FAM167A: variants seen among roughly 807,000 people sequenced by gnomAD.
FAM167A encodes the protein protein FAM167A.
Under a neutral mutation model 14.9 loss-of-function variants are expected in FAM167A, and 23 were observed. The observed-to-expected ratio is 1.55, with a 90% CI of 1.11 to 2.19. FAM167A has a LOEUF of 2.19. Ranked by LOEUF, FAM167A falls within the 30% of genes most tolerant of loss-of-function variation. FAM167A has a pLI of 0.00. For synonymous variants in FAM167A, 174 were observed against 117.7 expected, an observed-to-expected ratio of 1.48 and a Z score of -3.10; for missense variants, 401 against 281.5, an observed-to-expected ratio of 1.42 and a Z score of -3.04.
intron 2 of FAM167A, among the ~76,000 whole-genome samples, chr8:11,443,433 C>G (rs1384004876): frequency 2.0e-5 from 3 of 152,244 alleles, no homozygotes; most frequent in African/African-American, 4.8e-5. Flanking sequence ...CTCTGAGCCT[C>G]CTCACCGAGC....
rs755436348 is a variant in FAM167A at position 11,443,980 on chromosome 8, G to A, written c.381+51C>T. 26 of 1,562,720 alleles carry A rather than the reference G, an allele frequency of 1.7e-5. No individual in the cohort carries two copies. The South Asian group carries it at 2.3e-4, about 14-fold the overall frequency. ...AGAGAGAGACAGAAAAAGACACAGA[G>A]AGACGGTGGCATCTCCTCTTTTCTG... On this transcript the variant is annotated intron_variant, in intron 2 of 2. Coordinates refer to ENST00000284486, the MANE Select transcript of FAM167A (RefSeq NM_053279.3).
Position 11,424,230 on chromosome 8 carries a change from A to G in FAM167A, c.*143T>C, listed in dbSNP as rs947590249. Reference sequence around the variant, plus strand: ...CCCCTGGGTGGGAGAGCACCACTGAATAGGTCCTGGGGCCCTTGAGTCGCC... The same window carrying G: ...CCCCTGGGTGGGAGAGCACCACTGAGTAGGTCCTGGGGCCCTTGAGTCGCC... On this transcript the variant is annotated 3_prime_UTR_variant, in exon 3 of 3. Coordinates refer to ENST00000284486, the MANE Select transcript of FAM167A (RefSeq NM_053279.3). 5 of 1,047,238 alleles carry G rather than the reference A, an allele frequency of 4.8e-6. No individual in the cohort carries two copies. In the African/African-American group the frequency reaches 6.4e-5, roughly 13 times the overall value. The allele number at this position is 1,047,238 out of a possible 1,614,324, so 64.9% of individuals were successfully genotyped here.
intron 1 of FAM167A, among the ~76,000 whole-genome samples, chr8:11,466,361 G>A (rs546099778): frequency 6.6e-5 from 10 of 152,248 alleles, no homozygotes; most frequent in African/African-American, 2.2e-4. Context: ...GCCCGGACAC[G>A]GCCAGCAGGG....
chr8:11,436,695 G>A (rs961330759), intron 2 of FAM167A, among the ~76,000 whole-genome samples: 22 of 152,244 alleles, frequency 1.4e-4, no homozygotes. Context: ...TGGAAATGGA[G>A]TGCCGAAGTG....
In FAM167A at chr8:11,423,220, G is replaced by T. The variant is rs551060975; in HGVS notation, c.*1153C>A. Reference sequence around the variant, plus strand: ...CCGAGGGACCCCTGCCATGCCGTATGACCCCAGACTGACCTCCCTAACCTG... The same window carrying T: ...CCGAGGGACCCCTGCCATGCCGTATTACCCCAGACTGACCTCCCTAACCTG... On this transcript the variant is annotated 3_prime_UTR_variant, in exon 3 of 3. Transcript: ENST00000284486. The T allele has an allele frequency of 1.3e-5, 2 of 152,298 alleles. No individual in the cohort carries two copies. Among genetic ancestry groups the T allele is most frequent in the African/African-American group, 2.4e-5 (1 of 41,542 alleles). 9.4% of individuals were successfully genotyped at this position (152,298 alleles called of 1,614,324 possible). A position where few individuals can be genotyped will look rare whatever the true frequency, so the allele number is the denominator to read the frequency against.
chr8:11,441,854 G>A (rs973160923), intron 2 of FAM167A, among the ~76,000 whole-genome samples: 20 of 152,148 alleles, frequency 1.3e-4, no homozygotes, highest in African/African-American at 4.6e-4. Flanking sequence ...GTTGCCTGCT[G>A]ACATTTTTGT....
rs1341278271 is a variant in FAM167A, at chr8:11,423,452, G to C, written c.*921C>G. On this transcript the variant is annotated 3_prime_UTR_variant, in exon 3 of 3. Transcript: ENST00000284486. ...AAATCTCAGAGGAGGCTCAGGATGGGCCTCTGGGCTCCCTAGATTGTCTTT... is the reference window on the plus strand; with the variant it reads ...AAATCTCAGAGGAGGCTCAGGATGGCCCTCTGGGCTCCCTAGATTGTCTTT... 1 of 152,596 alleles carries C rather than the reference G, an allele frequency of 6.6e-6. No individual in the cohort carries two copies. Among genetic ancestry groups the C allele is most frequent in the African/African-American group, 2.4e-5 (1 of 41,444 alleles). 9.5% of individuals were successfully genotyped at this position (152,596 alleles called of 1,614,324 possible). A position where few individuals can be genotyped will look rare whatever the true frequency, so the allele number is the denominator to read the frequency against.
chr8:11,436,375 G>A (rs113094098), intron 2 of FAM167A, among the ~76,000 whole-genome samples: 9 of 152,348 alleles, frequency 5.9e-5, no homozygotes, highest in African/African-American at 1.9e-4. Flanking sequence ...CCAGTCCCAG[G>A]ACTGCTGCCC....
At chr8:11,449,881 T>C (rs1806954642) in intron 1 of FAM167A, among the ~76,000 whole-genome samples, 1 of 152,168 alleles carries the variant, frequency 6.6e-6, no homozygotes, top group African/African-American at 2.4e-5. Context: ...CAACACCTTG[T>C]CTCATTATGA....
rs1804951133 is a variant in FAM167A at position 11,423,993 on chromosome 8, G to A, written c.*380C>T. The A allele has an allele frequency of 8.8e-6, 2 of 228,392 alleles. No individual in the cohort carries two copies. Among genetic ancestry groups the A allele is most frequent in the South Asian group, 8.6e-5 (1 of 11,596 alleles). The allele number at this position is 228,392 out of a possible 1,614,324, so 14.1% of individuals were successfully genotyped here. A position where few individuals can be genotyped will look rare whatever the true frequency, so the allele number is the denominator to read the frequency against. On this transcript the variant is annotated 3_prime_UTR_variant, in exon 3 of 3. Transcript: ENST00000284486. ...CAAGGCCCTTGCGGGACAGCCTTCT[G>A]CAAAAATGACAGCTTTGTTGGGGGG...
rs1806648947 is a variant in FAM167A at position 11,444,372 on chromosome 8, C to G, written c.40G>C (p.Glu14Gln). 6.3e-7 allele frequency: 1 copy of G among 1,576,426 alleles called. No individual in the cohort carries two copies. Among genetic ancestry groups the G allele is most frequent in the East Asian group, 2.2e-5 (1 of 44,448 alleles). ...PQIHVEEVGAEEGAGAAAPPD... is the reference protein window; with the variant it reads ...PQIHVEEVGAQEGAGAAAPPD... ...GGTGCGGCTGCTCCCGCCCCCTCTT[C>G]TGCACCCACTTCTTCCACGTGGATC... The change falls in exon 2 of 3, where the codon GAA becomes CAA. Residue 14 changes from glutamate to glutamine, a missense_variant. By Grantham distance (29) the Glu-to-Gln change is conservative. Coordinates refer to ENST00000284486, the MANE Select transcript of FAM167A (RefSeq NM_053279.3).
At chr8:11,451,078 C>T (rs980061760) in intron 1 of FAM167A, among the ~76,000 whole-genome samples, 2 of 152,386 alleles carry the variant, frequency 1.3e-5, no homozygotes, top group East Asian at 3.9e-4. Flanking sequence ...AGTGCATCCC[C>T]CTTTCCCACA....
At chr8:11,472,229 C>T (rs777048383), upstream of FAM167A, among the ~76,000 whole-genome samples, 7 of 152,064 alleles carry the variant, frequency 4.6e-5, no homozygotes, top group East Asian at 1.9e-4. Flanking sequence ...CAGACATGAG[C>T]GATCACCTCC....
chr8:11,427,923 T>C (rs1805297705), intron 2 of FAM167A, among the ~76,000 whole-genome samples: 2 of 152,294 alleles, frequency 1.3e-5, no homozygotes, highest in East Asian at 1.9e-4. Context: ...GTCATTTGTT[T>C]TGTAATGGTG....
chr8:11,434,892 G>A (rs1805894175), intron 2 of FAM167A: 1 of 385,018 alleles, frequency 2.6e-6, no homozygotes, highest in Non-Finnish European at 5.3e-6. Context: ...TTCTGTGCCG[G>A]AGAGAGAGTG....
chr8:11,438,789 G>A (rs891324898), intron 2 of FAM167A: 5 of 320,016 alleles, frequency 1.6e-5, no homozygotes, highest in African/African-American at 8.7e-5. Flanking sequence ...ACCGGGCTAT[G>A]CAGAGAAGAC....
chr8:11,426,835 G>T (rs1204930456), intron 2 of FAM167A, among the ~76,000 whole-genome samples: 1 of 152,174 alleles, frequency 6.6e-6, no homozygotes, highest in Admixed American at 6.5e-5. Flanking sequence ...CTGGCTCACT[G>T]AATCTGCATT....
intron 2 of FAM167A, among the ~76,000 whole-genome samples, chr8:11,426,876 G>C (rs982390652): frequency 6.6e-6 from 1 of 152,154 alleles, no homozygotes; most frequent in Non-Finnish European, 1.5e-5. Context: ...CACAAGGCAC[G>C]TGAAGCAATC....
In FAM167A at chr8:11,423,521, G is replaced by A. The variant is rs1213627980; in HGVS notation, c.*852C>T. The A allele has an allele frequency of 3.3e-5, 5 of 152,386 alleles. No homozygotes were observed. Among genetic ancestry groups the A allele is most frequent in the African/African-American group, 1.2e-4 (5 of 41,442 alleles). 9.4% of individuals were successfully genotyped at this position (152,386 alleles called of 1,614,324 possible). On this transcript the variant is annotated 3_prime_UTR_variant, in exon 3 of 3. Coordinates refer to ENST00000284486, the MANE Select transcript of FAM167A (RefSeq NM_053279.3). The stretch of plus-strand genomic sequence containing the variant: ...TGACACCACCAGAATCCACCAGGAG[G>A]CCCCGGTCACGCCCCTGCAGGAGAA...
Sources: gnomAD v4.1 joint callset for allele counts (sites outside exome capture counted in the v4.1 genomes callset) on GRCh38, gnomAD v4.1.1 for gene constraint, MANE v1.5 for transcripts, NCBI Gene and HGNC (gene_info 2026-07-23, HGNC 2026-07-21) for gene names.